The following MCPH1 variants were observed in gnomAD, a reference collection of about 807,000 sequenced individuals.
MCPH1 encodes the protein microcephalin 1, also known as microcephalin.
Under a neutral mutation model 84.5 loss-of-function variants are expected in MCPH1, and 104 were observed. That is an observed-to-expected ratio of 1.23 (90% CI 1.05 to 1.45). The LOEUF (loss-of-function observed/expected upper bound fraction) is 1.45. MCPH1 is among the 40% of genes most tolerant of loss of function. The pLI is 0.00. For synonymous variants in MCPH1, 514 were observed against 366.8 expected (o/e 1.40, Z -4.58); for missense variants, 1,498 against 1,005.7 (o/e 1.49, Z -6.62).
At chr8:6,493,686 C>G (rs948916092) in intron 11 of MCPH1, among the ~76,000 whole-genome samples, 1 of 152,130 alleles carries the variant, frequency 6.6e-6, no homozygotes, top group Non-Finnish European at 1.5e-5. Context: ...GTGAGGTCCA[C>G]GCTGCTAGTC....
rs891105675 is a variant in MCPH1, at chr8:6,564,571, T to G, written c.2215-56883T>G. 9.9e-5 allele frequency among the ~76,000 whole-genome samples: 7 copies of G among 70,754 alleles called. No homozygotes were observed. The Admixed American group carries it at 1.3e-3, about 13-fold the overall frequency. 46.4% of individuals were successfully genotyped at this position (70,754 alleles called of 152,430 possible). ...AAGTGTACATAGGGAAAAAGCCCCCTGCCTTTGCTGCGGTTTATCTCTCAA... is the reference window on the plus strand; with the variant it reads ...AAGTGTACATAGGGAAAAAGCCCCCGGCCTTTGCTGCGGTTTATCTCTCAA... On this transcript the variant is annotated intron_variant, in intron 12 of 13. Transcript: ENST00000344683.
intron 12 of MCPH1, among the ~76,000 whole-genome samples, chr8:6,604,418 C>G (rs1401945907): frequency 6.6e-6 from 1 of 152,212 alleles, no homozygotes; most frequent in African/African-American, 2.4e-5. Context: ...TTAAACATTC[C>G]CTAACAAACC....
At chr8:6,521,149 G>T (rs756831601) in intron 12 of MCPH1, 1 of 1,583,650 alleles carries the variant, frequency 6.3e-7, no homozygotes, top group East Asian at 2.2e-5. Context: ...GGTTATTAAC[G>T]CTGAAGAAAG....
chr8:6,602,726 C>T (rs1359343701), intron 12 of MCPH1, among the ~76,000 whole-genome samples: 2 of 152,062 alleles, frequency 1.3e-5, no homozygotes, highest in Non-Finnish European at 2.9e-5. Context: ...ATCTCCTTCC[C>T]TCTTAGTCAC....
intron 12 of MCPH1, among the ~76,000 whole-genome samples, chr8:6,510,048 T>C (rs1037790673): frequency 1.3e-5 from 2 of 152,206 alleles, no homozygotes; most frequent in African/African-American, 4.8e-5. Flanking sequence ...AAATCTTAAG[T>C]TGAACCATTG....
chr8:6,408,900 T>TC (rs33912705), intron 1 of MCPH1, among the ~76,000 whole-genome samples: 2 of 26,052 alleles, frequency 7.7e-5, no homozygotes, highest in African/African-American at 1.0e-4. Context: ...TCTTTTTTTT[T>TC]TTTTGAAACG....
chr8:6,605,761 G>A (rs371443146), intron 12 of MCPH1, among the ~76,000 whole-genome samples: 4 of 152,102 alleles, frequency 2.6e-5, no homozygotes, highest in East Asian at 1.9e-4. Flanking sequence ...GCAGTGGCAC[G>A]ATCTCAGCTC....
intron 12 of MCPH1, among the ~76,000 whole-genome samples, chr8:6,531,898 G>A (rs934015014): frequency 2.6e-5 from 4 of 152,148 alleles, no homozygotes; most frequent in Admixed American, 6.5e-5. Context: ...TTGAGATTCA[G>A]GTTTTATCTT....
At chr8:6,446,022 CT>C in intron 8 of MCPH1, 1 of 978,718 alleles carries the variant, frequency 1.0e-6, no homozygotes, top group Non-Finnish European at 1.2e-6. Context: ...TTTTAGAAAT[CT>C]GTTGTCAATA....
intron 9 of MCPH1, among the ~76,000 whole-genome samples, chr8:6,456,399 GT>G (rs1344430278): frequency 6.6e-6 from 1 of 152,178 alleles, no homozygotes; most frequent in East Asian, 1.9e-4. Context: ...CTGAGTTTGT[GT>G]TTTGCGTCCC....
intron 12 of MCPH1, among the ~76,000 whole-genome samples, chr8:6,543,016 A>G (rs551985139): frequency 6.6e-6 from 1 of 152,178 alleles, no homozygotes; most frequent in Non-Finnish European, 1.5e-5. Context: ...GGACTTGGGA[A>G]TGCTGATGGG....
Position 6,602,318 on chromosome 8 carries a change from G to C in MCPH1, c.2215-19136G>C, listed in dbSNP as rs991286338. On this transcript the variant is annotated intron_variant, in intron 12 of 13. Transcript: ENST00000344683. ...AGGAGAGGGACCGTCCTTGCATTCT[G>C]TGCGGATTTCTATGGCAATGACATG... Among the ~76,000 whole-genome samples, 3 of 152,216 alleles carry C rather than the reference G, an allele frequency of 2.0e-5. No homozygotes were observed. In the South Asian group the frequency reaches 6.2e-4, roughly 32 times the overall value.
At chr8:6,413,750 T>C (rs1217969570) in intron 2 of MCPH1, among the ~76,000 whole-genome samples, 1 of 151,352 alleles carries the variant, frequency 6.6e-6, no homozygotes, top group East Asian at 1.9e-4. Context: ...GTGAATACAG[T>C]ATCTTTTTTT....
At chr8:6,458,502 C>T (rs1805941375) in intron 9 of MCPH1, among the ~76,000 whole-genome samples, 3 of 150,362 alleles carry the variant, frequency 2.0e-5, no homozygotes, top group South Asian at 4.2e-4. Context: ...AAAAAAATTC[C>T]TGATTTGTTT....
intron 12 of MCPH1, among the ~76,000 whole-genome samples, chr8:6,571,558 T>A (rs1391796720): frequency 6.6e-6 from 1 of 152,208 alleles, no homozygotes; most frequent in Admixed American, 6.5e-5. Flanking sequence ...CTAGATTAAT[T>A]CTTGTTTAAT....
At chr8:6,534,959 C>G (rs1820224922) in intron 12 of MCPH1, among the ~76,000 whole-genome samples, 1 of 152,124 alleles carries the variant, frequency 6.6e-6, no homozygotes, top group Non-Finnish European at 1.5e-5. Context: ...TGTGTGTCAC[C>G]CAGAGGCACT....
chr8:6,418,833 G>T (rs548732235), intron 3 of MCPH1, among the ~76,000 whole-genome samples: 48 of 152,272 alleles, frequency 3.2e-4, no homozygotes, highest in Non-Finnish European at 4.4e-4. Context: ...GCCTGCCTCA[G>T]CCTCCCAAAG....
At chr8:6,456,194 T>C (rs1371715203) in intron 9 of MCPH1, among the ~76,000 whole-genome samples, 1 of 152,192 alleles carries the variant, frequency 6.6e-6, no homozygotes, top group East Asian at 1.9e-4. Flanking sequence ...AAAGGAACCC[T>C]ATTTCAGGTA....
intron 12 of MCPH1, among the ~76,000 whole-genome samples, chr8:6,598,525 G>A (rs760746148): frequency 2.6e-5 from 4 of 152,234 alleles, no homozygotes; most frequent in Non-Finnish European, 5.9e-5. Flanking sequence ...AGAGGAAGGA[G>A]TGGGCTGGGA....
Sources: gnomAD v4.1 joint callset for allele counts (sites outside exome capture counted in the v4.1 genomes callset) on GRCh38, gnomAD v4.1.1 for gene constraint, MANE v1.5 for transcripts, NCBI Gene and HGNC (gene_info 2026-07-23, HGNC 2026-07-21) for gene names.